The following IL6ST variants were observed in gnomAD, a reference collection of about 807,000 sequenced individuals.
The protein encoded by IL6ST is interleukin 6 cytokine family signal transducer.
IL6ST carries 24 observed loss-of-function variants against 91.3 expected under a neutral mutation model. The observed-to-expected ratio is 0.26, with a 90% CI of 0.19 to 0.37. The LOEUF (loss-of-function observed/expected upper bound fraction) is 0.37, where lower values mean the gene tolerates loss of function less well. Ranked by LOEUF, IL6ST falls within the 10% of genes least tolerant of loss-of-function variation. The pLI, the probability that IL6ST is intolerant of heterozygous loss-of-function variation, is 1.00. For synonymous variants in IL6ST, 351 were observed against 373.6 expected (o/e 0.94, Z 0.70); for missense variants, 914 against 1,078.5 (o/e 0.85, Z 2.14).
rs1750573972 is a variant in IL6ST at position 55,937,010 on chromosome 5, G to A, written c.*4072C>T. On this transcript the variant is annotated 3_prime_UTR_variant, in exon 17 of 17. Transcript: ENST00000381298. ...TCAATACACATACATATTGAGACTA[G>A]AGAATTTTCAAATATCTACCTTTGA... The A allele has an allele frequency of 5.0e-6, 1 of 200,512 alleles. No individual in the cohort carries two copies. Among genetic ancestry groups the A allele is most frequent in the African/African-American group, 2.3e-5 (1 of 43,600 alleles). 12.4% of individuals were successfully genotyped at this position (200,512 alleles called of 1,614,324 possible). A position where few individuals can be genotyped will look rare whatever the true frequency, so the allele number is the denominator to read the frequency against.
Position 55,977,221 on chromosome 5 carries a change from CACAACAGGTTATACATTGTATA to C in IL6ST, c.-15-950_-15-929del, listed in dbSNP as rs576582738. 1.2e-3 allele frequency among the ~76,000 whole-genome samples: 177 copies of C among 151,588 alleles called. 1 individual carries two copies. The highest frequency in any genetic ancestry group is 1.9e-3 in the Non-Finnish European group (130 of 67,914). Reference sequence around the variant, plus strand: ...ATTACACTGAATAAACGAAGCCAGACACAACAGGTTATACATTGTATAACTCTATTTACAGGAAATTCTTTTT... The same window carrying C: ...ATTACACTGAATAAACGAAGCCAGACACTCTATTTACAGGAAATTCTTTTT... On this transcript the variant is annotated intron_variant, in intron 2 of 16. Transcript: ENST00000381298.
chr5:55,973,050 G>T (rs193235647), intron 3 of IL6ST, among the ~76,000 whole-genome samples: 1 of 150,892 alleles, frequency 6.6e-6, no homozygotes, highest in South Asian at 2.1e-4. Context: ...TACTATAACC[G>T]ATATTACAAT....
chr5:55,967,231 AC>A (rs1242811006), intron 5 of IL6ST, among the ~76,000 whole-genome samples: 3 of 144,304 alleles, frequency 2.1e-5, no homozygotes, highest in African/African-American at 7.8e-5. Context: ...AATTGCTTGA[AC>A]CTGGGAAGCG....
At chr5:55,974,389 A>C (rs1038141470) in intron 3 of IL6ST, among the ~76,000 whole-genome samples, 1 of 152,126 alleles carries the variant, frequency 6.6e-6, no homozygotes, top group Non-Finnish European at 1.5e-5. Flanking sequence ...GCAGTGGCAC[A>C]ATCTCCACAC....
chr5:55,935,333 G>T lies in IL6ST; in HGVS notation c.*5749C>A, dbSNP rs1750440049. 1.5e-5 allele frequency: 3 copies of T among 198,648 alleles called. No individual in the cohort carries two copies. The highest frequency in any genetic ancestry group is 3.1e-5 in the Non-Finnish European group (3 of 96,038). The allele number at this position is 198,648 out of a possible 1,614,324, so 12.3% of individuals were successfully genotyped here. The stretch of plus-strand genomic sequence containing the variant: ...ATAGTCACAGGGAATAAAGAATCAG[G>T]TTTGAATGTCCACAGGTTTCTAAAA... On this transcript the variant is annotated 3_prime_UTR_variant, in exon 17 of 17. Coordinates refer to ENST00000381298, the MANE Select transcript of IL6ST (RefSeq NM_002184.4).
In IL6ST at chr5:55,941,440, TCTA is replaced by T. The variant is rs745763915; in HGVS notation, c.2396_2398del (p.Val799del). On this transcript the variant is annotated inframe_deletion, in exon 17 of 17. Coordinates refer to ENST00000381298, the MANE Select transcript of IL6ST (RefSeq NM_002184.4). ...AATACCATCACCGCCATCTACATGA[TCTA>T]CTAATTGTAGATCTTCTGGCCGCTC... The T allele has an allele frequency of 3.7e-6, 6 of 1,614,106 alleles. No individual in the cohort carries two copies. Among genetic ancestry groups the T allele is most frequent in the Non-Finnish European group, 5.1e-6 (6 of 1,180,024 alleles).
intron 6 of IL6ST, among the ~76,000 whole-genome samples, 196 bp from the exon 7 acceptor site, chr5:55,963,702 CCTT>C (rs1400521588): frequency 4.6e-5 from 7 of 152,012 alleles, no homozygotes; most frequent in Non-Finnish European, 5.9e-5. Flanking sequence ...CTTCAGTTCT[CCTT>C]GTTAATTTAC....
chr5:55,945,997 T>G (rs556760066), intron 15 of IL6ST, among the ~76,000 whole-genome samples: 1 of 152,272 alleles, frequency 6.6e-6, no homozygotes, highest in Admixed American at 6.5e-5. Flanking sequence ...GACAAAAGTT[T>G]GCAAAACGTA....
chr5:55,957,228 G>C lies in IL6ST; in HGVS notation c.1037C>G (p.Thr346Ser). The C allele has an allele frequency of 6.5e-7, 1 of 1,548,826 alleles. No homozygotes were observed. Among genetic ancestry groups the C allele is most frequent in the Non-Finnish European group, 8.8e-7 (1 of 1,137,036 alleles). ...IDPSHTQGYRTVQLVWKTLPP... is the reference protein window; with the variant it reads ...IDPSHTQGYRSVQLVWKTLPP... ...TTTTACCTTCCACACGAGTTGTACA[G>C]TTCTGTAGCCTTGAGTATGGGATGG... The change falls in exon 9 of 17, where the codon ACT (threonine) becomes AGT (serine). Residue 346 changes from threonine (T) to serine (S), a missense_variant. By Grantham distance (58) the Thr-to-Ser change is moderately conservative (BLOSUM62 1). Transcript: ENST00000381298.
intron 15 of IL6ST, among the ~76,000 whole-genome samples, chr5:55,946,392 A>C (rs1751251651): frequency 6.6e-6 from 1 of 152,228 alleles, no homozygotes; most frequent in African/African-American, 2.4e-5. Context: ...ATGCTCGCAC[A>C]GTTTTGTATG....
At chr5:55,946,245 G>A (rs951164007) in intron 15 of IL6ST, among the ~76,000 whole-genome samples, 1 of 152,254 alleles carries the variant, frequency 6.6e-6, no homozygotes, top group African/African-American at 2.4e-5. Flanking sequence ...GTGATAATAT[G>A]GAACACTGCT....
chr5:55,969,700 T>A lies in IL6ST; in HGVS notation c.220A>T (p.Ile74Phe). ...YIVWKTNHFTIPKEQYTIINR... is the reference protein window; with the variant it reads ...YIVWKTNHFTFPKEQYTIINR... ...ATGATAGTATATTGCTCCTTAGGAATAGTAAAATGGTTTGTTTTCCAGACA... is the reference window on the plus strand; with the variant it reads ...ATGATAGTATATTGCTCCTTAGGAAAAGTAAAATGGTTTGTTTTCCAGACA... The change falls in exon 4 of 17, where the codon ATT becomes TTT. Residue 74 changes from isoleucine to phenylalanine, a missense_variant. Transcript: ENST00000381298. 6.2e-7 allele frequency: 1 copy of A among 1,612,892 alleles called. No individual in the cohort carries two copies. Among genetic ancestry groups the A allele is most frequent in the African/African-American group, 1.3e-5 (1 of 75,030 alleles).
chr5:55,987,294 A>T (rs1754029175), intron 1 of IL6ST, among the ~76,000 whole-genome samples: 1 of 152,248 alleles, frequency 6.6e-6, no homozygotes. Context: ...GTTAGAGAAA[A>T]GTCTAAATAG....
At chr5:55,959,703 T>C (rs1271398883) in intron 8 of IL6ST, 1 of 1,155,960 alleles carries the variant, frequency 8.7e-7, no homozygotes, top group East Asian at 5.2e-5. Context: ...AAAGGTATAA[T>C]ACAAGTATAT....
At chr5:55,943,509 T>A (rs1437547700) in intron 15 of IL6ST, among the ~76,000 whole-genome samples, 1 of 152,078 alleles carries the variant, frequency 6.6e-6, no homozygotes, top group African/African-American at 2.4e-5. Context: ...ATAAGGCACA[T>A]AAAGACAGAC....
At chr5:55,988,357 C>T (rs563698121) in intron 1 of IL6ST, among the ~76,000 whole-genome samples, 1 of 151,952 alleles carries the variant, frequency 6.6e-6, no homozygotes, top group Non-Finnish European at 1.5e-5. Flanking sequence ...GAGTGAGAAT[C>T]ACATGACAAA....
chr5:55,979,781 C>G (rs2111881310), intron 2 of IL6ST, among the ~76,000 whole-genome samples: 1 of 152,314 alleles, frequency 6.6e-6, no homozygotes, highest in African/African-American at 2.4e-5. Context: ...TCTAATGATT[C>G]TACTTTATTT....
intron 15 of IL6ST, among the ~76,000 whole-genome samples, chr5:55,946,124 G>GT (rs1299018536): frequency 6.8e-6 from 1 of 146,946 alleles, no homozygotes; most frequent in Admixed American, 6.7e-5. Context: ...AAGAAAATAT[G>GT]TAAGTGACAC....
Position 55,964,173 on chromosome 5 carries a change from G to C in IL6ST, c.631C>G (p.His211Asp). 3 of 1,606,422 alleles carry C rather than the reference G, an allele frequency of 1.9e-6. No individual in the cohort carries two copies. The highest frequency in any genetic ancestry group is 1.7e-6 in the Non-Finnish European group (2 of 1,176,156). ...ENALGKVTSD[H>D]INFDPVYKVK... ...TTATATACAGGATCAAAATTGATAT[G>C]ATCTGATGTAACCTTCCCAAGGGCA... Residue 211 changes from histidine (H) to aspartate (D), a missense_variant, in exon 6 of 17, where the codon CAT becomes GAT. By Grantham distance (81) the His-to-Asp change is moderately conservative (BLOSUM62 -1). Transcript: ENST00000381298.
Sources: allele counts gnomAD v4.1 joint callset (sites outside exome capture counted in the v4.1 genomes callset), GRCh38; gene constraint gnomAD v4.1.1; transcripts MANE v1.5; gene names NCBI Gene and HGNC (gene_info 2026-07-23, HGNC 2026-07-21).